Variants in GBA2 observed in about 807,000 individuals in gnomAD.
GBA2 encodes non-lysosomal glucosylceramidase.
A neutral mutation model predicts 112.9 loss-of-function variants in GBA2; 79 were observed. That is an observed-to-expected ratio of 0.70 (90% CI 0.58 to 0.84). The LOEUF is 0.84. Among genes scored for constraint, GBA2 ranks in the 40% least tolerant of loss-of-function variants. The pLI is 0.00. For missense variants in GBA2, 1,043 were observed against 1,190.0 expected (o/e 0.88, Z 1.82); for synonymous variants, 403 against 434.3 (o/e 0.93, Z 0.90).
chr9:35,740,867 G>C lies in GBA2; in HGVS notation c.984C>G (p.Thr328=), dbSNP rs1418248838. 6.2e-7 allele frequency: 1 copy of C among 1,613,804 alleles called. No homozygotes were observed. Among genetic ancestry groups the C allele is most frequent in the Non-Finnish European group, 8.5e-7 (1 of 1,179,960 alleles). Residue 328 remains threonine, a synonymous_variant, in exon 5 of 17, where the codon ACC becomes ACG. Transcript: ENST00000378103. The surrounding 1 kb of genome is among the most constrained non-coding windows in gnomAD (Gnocchi z 4.7). ...CAGCCATCGTGTAGGGGTTTGGAAGGGTTGGATGATGCAGGAGCAGCCCCC... is the reference window on the plus strand; with the variant it reads ...CAGCCATCGTGTAGGGGTTTGGAAGCGTTGGATGATGCAGGAGCAGCCCCC... ...TVRGLLLHHP[T]LPNPYTMAVA...
intron 1 of GBA2, 21 bp from the exon 2 acceptor site, chr9:35,744,727 T>C: frequency 7.2e-7 from 1 of 1,398,408 alleles, no homozygotes; most frequent in South Asian, 1.2e-5. Context: ...AGAGGCAATG[T>C]GAGTGGAAGG....
intron 1 of GBA2, among the ~76,000 whole-genome samples, chr9:35,747,822 G>A (rs1199005256): frequency 6.6e-6 from 1 of 152,208 alleles, no homozygotes; most frequent in Non-Finnish European, 1.5e-5. Context: ...AGAGGTGAGG[G>A]CAGGGAGGCT....
chr9:35,748,324 C>T, intron 1 of GBA2, 22 bp downstream of exon 1: 1 of 1,428,078 alleles, frequency 7.0e-7, no homozygotes, highest in Non-Finnish European at 9.7e-7. Context: ...CAAAGGCATT[C>T]TAGGCAATGG....
Position 35,738,212 on chromosome 9 carries a change from C to G in GBA2, c.2197+20G>C. The G allele has an allele frequency of 1.2e-6, 2 of 1,614,010 alleles. No individual in the cohort carries two copies. Among genetic ancestry groups the G allele is most frequent in the Non-Finnish European group, 1.7e-6 (2 of 1,179,874 alleles). On this transcript the variant is annotated intron_variant, in intron 14 of 16. Transcript: ENST00000378103. ...TGTCCTCTCAGCTGCCTTAAGACTACTTAGGCTCCCCGAACTCACCATTCC... is the reference window on the plus strand; with the variant it reads ...TGTCCTCTCAGCTGCCTTAAGACTAGTTAGGCTCCCCGAACTCACCATTCC...
chr9:35,740,300 A>G lies in GBA2; in HGVS notation c.1192T>C (p.Leu398=). Residue 398 remains leucine (L), a synonymous_variant, in exon 7 of 17, where the codon TTG becomes CTG. Coordinates refer to ENST00000378103, the MANE Select transcript of GBA2 (RefSeq NM_020944.3). This position sits in a 1 kb window ranked among gnomAD's most constrained non-coding sequence, Gnocchi z 4.7. The part of the protein sequence containing the change: ...IAGAVCVSSK[L]RPRGQCRLEF... Reference sequence around the variant, plus strand: ...AGGCGGCACTGGCCTCGAGGTCGCAACTTGCTGGAAACACACACAGCTCCA... The same window carrying G: ...AGGCGGCACTGGCCTCGAGGTCGCAGCTTGCTGGAAACACACACAGCTCCA... 6.2e-7 allele frequency: 1 copy of G among 1,614,104 alleles called. No homozygotes were observed. Among genetic ancestry groups the G allele is most frequent in the Non-Finnish European group, 8.5e-7 (1 of 1,179,990 alleles).
chr9:35,744,547 C>T, intron 2 of GBA2, 68 bp downstream of exon 2: 1 of 1,113,448 alleles, frequency 9.0e-7, no homozygotes, highest in Non-Finnish European at 1.4e-6. Flanking sequence ...CTGGAAGTCT[C>T]TTCCTAACTG....
At chr9:35,739,450 A>G (rs1272537875) in intron 9 of GBA2, 31 bp from the exon 10 acceptor site, 1 of 1,508,858 alleles carries the variant, frequency 6.6e-7, no homozygotes, top group African/African-American at 1.4e-5. Flanking sequence ...CACTGTTGCC[A>G]GAATTCCTGC....
Position 35,737,350 on chromosome 9 carries a change from T to C in GBA2, c.2603A>G (p.Gln868Arg). ...GGCCAGTGAGCGGAACACTCGCTGC[T>C]GGCAGTATGCCTCTGGGGTCTGGAA... ...LAFQTPEAYCQQRVFRSLAYM... is the reference protein window; with the variant it reads ...LAFQTPEAYCRQRVFRSLAYM... The change falls in exon 17 of 17, where the codon CAG becomes CGG. Residue 868 changes from glutamine (Q) to arginine (R), a missense_variant. Gln to Arg is a conservative substitution (Grantham distance 43). Transcript: ENST00000378103. The surrounding 1 kb of genome is among the most constrained non-coding windows in gnomAD (Gnocchi z 4.1). 6.2e-7 allele frequency: 1 copy of C among 1,614,194 alleles called. No individual in the cohort carries two copies. The highest frequency in any genetic ancestry group is 8.5e-7 in the Non-Finnish European group (1 of 1,180,038).
At chr9:35,745,474 A>AG in intron 1 of GBA2, among the ~76,000 whole-genome samples, 1 of 151,736 alleles carries the variant, frequency 6.6e-6, no homozygotes, top group Non-Finnish European at 1.5e-5. Context: ...GAAAGGTGAA[A>AG]GGGGGAAAAA....
intron 3 of GBA2, 44 bp downstream of exon 3, chr9:35,744,253 C>G (rs1257837284): frequency 9.3e-7 from 1 of 1,077,046 alleles, no homozygotes. Context: ...TCCTTCTTGG[C>G]CTGGGGAGGT....
At position 35,737,599 on chromosome 9, in the gene GBA2, C is replaced by T; in HGVS notation, c.2505+149G>A. The T allele has an allele frequency of 6.4e-7, 1 of 1,565,356 alleles. No homozygotes were observed. Among genetic ancestry groups the T allele is most frequent in the Non-Finnish European group, 8.7e-7 (1 of 1,153,818 alleles). On this transcript the variant is annotated intron_variant, in intron 16 of 16. Transcript: ENST00000378103. The surrounding 1 kb of genome is among the most constrained non-coding windows in gnomAD (Gnocchi z 4.1). ...TGACCCACAGACAGAAGCCTGAAGG[C>T]AGGAGCTGGAATGCATACCAGGGAA...
At chr9:35,745,521 A>G (rs1470163644) in intron 1 of GBA2, among the ~76,000 whole-genome samples, 1 of 137,022 alleles carries the variant, frequency 7.3e-6, no homozygotes, top group Non-Finnish European at 1.6e-5. Flanking sequence ...GTTTATATTT[A>G]TTTCTGGACA....
intron 3 of GBA2, 93 bp downstream of exon 3, chr9:35,744,204 A>C: frequency 2.7e-6 from 2 of 741,336 alleles, no homozygotes; most frequent in South Asian, 1.5e-5. Context: ...AATCTTATTC[A>C]CATCTAACTG....
rs374335041 is a variant in GBA2, at chr9:35,737,390, G to A, written c.2563C>T (p.Arg855Cys). 46 of 1,613,994 alleles carry A rather than the reference G, an allele frequency of 2.9e-5. No individual in the cohort carries two copies. Among genetic ancestry groups the A allele is most frequent in the Non-Finnish European group, 3.3e-5 (39 of 1,180,006 alleles). Residue 855 changes from arginine (R) to cysteine (C), a missense_variant, in exon 17 of 17, where the codon CGC becomes TGC. Physicochemically the swap from Arg to Cys is radical, Grantham distance 180. Transcript: ENST00000378103. This position sits in a 1 kb window ranked among gnomAD's most constrained non-coding sequence, Gnocchi z 4.1. ...GGGGTCTGGAAGGCCAGACCCAGGC[G>A]CTCCCACACGGTACGGTAGCAGCCT... Reference protein sequence around the residue: ...AEGCYRTVWERLGLAFQTPEA... With the variant: ...AEGCYRTVWECLGLAFQTPEA...
chr9:35,747,035 T>A (rs897768433), intron 1 of GBA2, among the ~76,000 whole-genome samples: 2 of 152,174 alleles, frequency 1.3e-5, no homozygotes, highest in African/African-American at 4.8e-5. Context: ...CTATTTGGCC[T>A]TCTCCACAAT....
In GBA2 at chr9:35,748,444, G is replaced by A; in HGVS notation, c.261C>T (p.Arg87=). 1 of 1,614,134 alleles carries A rather than the reference G, an allele frequency of 6.2e-7. No individual in the cohort carries two copies. The highest frequency in any genetic ancestry group is 8.5e-7 in the Non-Finnish European group (1 of 1,179,992). ...MGYQVPPFGW[R]ICLAHEFTEK... ...CTGTAAACTCATGAGCCAGACAGATGCGCCAGCCAAAGGGAGGCACCTGGT... is the reference window on the plus strand; with the variant it reads ...CTGTAAACTCATGAGCCAGACAGATACGCCAGCCAAAGGGAGGCACCTGGT... Residue 87 remains arginine (R), a synonymous_variant, in exon 1 of 17, where the codon CGC becomes CGT. Coordinates refer to ENST00000378103, the MANE Select transcript of GBA2 (RefSeq NM_020944.3).
At chr9:35,738,208 A>G in intron 14 of GBA2, 24 bp downstream of exon 14, 1 of 1,614,020 alleles carries the variant, frequency 6.2e-7, no homozygotes, top group Non-Finnish European at 8.5e-7. Context: ...CTGCCTTAAG[A>G]CTACTTAGGC....
chr9:35,740,339 C>A lies in GBA2; in HGVS notation c.1153G>T (p.Gly385Ter), dbSNP rs756503362. 1.2e-6 allele frequency: 2 copies of A among 1,613,460 alleles called. No homozygotes were observed. Among genetic ancestry groups the A allele is most frequent in the African/African-American group, 2.7e-5 (2 of 74,912 alleles). ...PTGQSTPTQK[G>*]VGIAGAVCVS... ...CACACAGCTCCAGCAATGCCTACTC[C>A]TTTCTGCGTAGGGGTGCTTTGGCCT... Residue 385 changes from glycine (G) to a stop codon, truncating the protein, a stop_gained, in exon 7 of 17, where the codon GGA becomes TGA. Transcript: ENST00000378103. LOFTEE classifies it high-confidence loss of function. This position sits in a 1 kb window ranked among gnomAD's most constrained non-coding sequence, Gnocchi z 4.7.
rs1355538843 is a variant in GBA2 at position 35,746,500 on chromosome 9, A to G, written c.360-1794T>C. Among the ~76,000 whole-genome samples the G allele has an allele frequency of 6.6e-6, 1 of 152,190 alleles. No individual in the cohort carries two copies. Among genetic ancestry groups the G allele is most frequent in the Non-Finnish European group, 1.5e-5 (1 of 68,026 alleles). ...CAGCTACTCAGGAGGCTGAGGCAGG[A>G]GAATCGCTTGAACCCAGGAGACGGA... On this transcript the variant is annotated intron_variant, in intron 1 of 16. Coordinates refer to ENST00000378103, the MANE Select transcript of GBA2 (RefSeq NM_020944.3). The surrounding 1 kb of genome is among the most constrained non-coding windows in gnomAD (Gnocchi z 5.2).
Sources: allele counts gnomAD v4.1 joint callset (sites outside exome capture counted in the v4.1 genomes callset), GRCh38; gene constraint gnomAD v4.1.1; non-coding constraint Gnocchi (gnomAD v3.1); transcripts MANE v1.5; gene names NCBI Gene and HGNC (gene_info 2026-07-23, HGNC 2026-07-21).